Variants in TNFRSF19 observed in about 807,000 individuals in gnomAD.
TNFRSF19 encodes TNF receptor superfamily member 19.
A neutral mutation model predicts 46.4 loss-of-function variants in TNFRSF19; 27 were observed. That is an observed-to-expected ratio of 0.58 (90% confidence interval 0.43 to 0.80). TNFRSF19 has a LOEUF of 0.80. Ranked by LOEUF, TNFRSF19 falls within the 30% of genes least tolerant of loss-of-function variation. TNFRSF19 has a pLI of 0.00. For missense variants in TNFRSF19, 511 were observed against 530.8 expected (o/e 0.96, Z 0.37); for synonymous variants, 204 against 205.0 (o/e 1.00, Z 0.04).
intron 3 of TNFRSF19, among the ~76,000 whole-genome samples, chr13:23,608,671 C>T (rs1384287947): frequency 6.6e-6 from 1 of 152,218 alleles, no homozygotes; most frequent in Non-Finnish European, 1.5e-5. Context: ...ACTGCGGTTA[C>T]TGAACACTTA....
chr13:23,669,236 T>C, intron 9 of TNFRSF19, 139 bp downstream of exon 9: 2 of 1,408,140 alleles, frequency 1.4e-6, no homozygotes, highest in African/African-American at 1.4e-5. Context: ...TTGTAGAGTA[T>C]GTTTTAAAAT....
intron 5 of TNFRSF19, 106 bp from the exon 6 acceptor site, chr13:23,658,944 T>A: frequency 1.4e-6 from 2 of 1,451,332 alleles, no homozygotes; most frequent in South Asian, 1.2e-5. Flanking sequence ...CATGCCAGTT[T>A]TCTCACAGCA....
chr13:23,646,138 A>AC lies in TNFRSF19; in HGVS notation c.446-12906dup, dbSNP rs1187536501. On this transcript the variant is annotated intron_variant, in intron 5 of 9. Transcript: ENST00000248484. ...CCATCAATATCTGGGCCAGTGCGGCACCCCCCGGCCTGCCCTTTCTCTCTT... is the reference window on the plus strand; with the variant it reads ...CCATCAATATCTGGGCCAGTGCGGCACCCCCCCGGCCTGCCCTTTCTCTCTT... 5.9e-5 allele frequency among the ~76,000 whole-genome samples: 9 copies of AC among 151,798 alleles called. No individual in the cohort carries two copies. The East Asian group carries it at 1.2e-3, about 20-fold the overall frequency.
At chr13:23,633,130 A>C (rs1459933570) in intron 5 of TNFRSF19, among the ~76,000 whole-genome samples, 2 of 61,728 alleles carry the variant, frequency 3.2e-5, no homozygotes, top group Admixed American at 1.6e-4. Context: ...TTTTTTTTTG[A>C]GACAGTCTCA....
intron 1 of TNFRSF19, among the ~76,000 whole-genome samples, chr13:23,577,404 CAG>C (rs1178692456): frequency 1.3e-5 from 2 of 152,204 alleles, no homozygotes; most frequent in East Asian, 1.9e-4. Flanking sequence ...CAATTCCACT[CAG>C]AAAGCTTTGG....
intron 3 of TNFRSF19, among the ~76,000 whole-genome samples, chr13:23,612,912 C>G (rs1327629116): frequency 2.0e-5 from 3 of 152,160 alleles, no homozygotes; most frequent in Admixed American, 6.5e-5. Flanking sequence ...GACTTGGAGA[C>G]AGTCAGCAGG....
chr13:23,623,930 T>A (rs1881834015), intron 4 of TNFRSF19, among the ~76,000 whole-genome samples: 1 of 152,170 alleles, frequency 6.6e-6, no homozygotes. Context: ...ATAGGAATGT[T>A]TATGTCCTCT....
chr13:23,673,518 G>A lies in TNFRSF19; in HGVS notation c.*138G>A. 7.4e-7 allele frequency: 1 copy of A among 1,343,856 alleles called. No individual in the cohort carries two copies. Among genetic ancestry groups the A allele is most frequent in the South Asian group, 2.4e-5 (1 of 42,496 alleles). 83.2% of individuals were successfully genotyped at this position (1,343,856 alleles called of 1,614,324 possible). ...AATCTGAACCAAACTGACGGCATTT[G>A]AAGCCTTTCAGCCAGTTGCTTCTGA... On this transcript the variant is annotated 3_prime_UTR_variant, in exon 10 of 10. Coordinates refer to ENST00000248484, the MANE Select transcript of TNFRSF19 (RefSeq NM_148957.4).
In TNFRSF19 at chr13:23,674,413, G is replaced by A. The variant is rs547200231; in HGVS notation, c.*1033G>A. 1.3e-5 allele frequency: 2 copies of A among 152,344 alleles called. No individual in the cohort carries two copies. Among genetic ancestry groups the A allele is most frequent in the Admixed American group, 6.5e-5 (1 of 15,296 alleles). 9.4% of individuals were successfully genotyped at this position (152,344 alleles called of 1,614,324 possible). On this transcript the variant is annotated 3_prime_UTR_variant, in exon 10 of 10. Transcript: ENST00000248484. The stretch of plus-strand genomic sequence containing the variant: ...AATTTGTAGGGGTTTGGATGAAGCA[G>A]CTGTAACTGCCCTAGTGTAGTTTGA...
intron 7 of TNFRSF19, among the ~76,000 whole-genome samples, chr13:23,666,012 T>A (rs12585977): frequency 6.6e-6 from 1 of 151,964 alleles, no homozygotes. Context: ...GAATGACACT[T>A]AATTTGGGTT....
chr13:23,651,235 A>G (rs568211731), intron 5 of TNFRSF19, among the ~76,000 whole-genome samples: 2 of 152,318 alleles, frequency 1.3e-5, no homozygotes, highest in South Asian at 4.1e-4. Context: ...ACAGAAAGCA[A>G]TGGATTGAAT....
chr13:23,651,610 A>G (rs1055504370), intron 5 of TNFRSF19, among the ~76,000 whole-genome samples: 1 of 152,196 alleles, frequency 6.6e-6, no homozygotes, highest in Non-Finnish European at 1.5e-5. Context: ...TTATGATACC[A>G]CATAGAGCTT....
chr13:23,617,286 C>T (rs557183942), intron 4 of TNFRSF19, among the ~76,000 whole-genome samples: 31 of 152,180 alleles, frequency 2.0e-4, no homozygotes, highest in African/African-American at 6.7e-4. Context: ...CAGGTGCGAA[C>T]GCAGAAGCCT....
At chr13:23,662,006 GTTTC>G (rs1385759759) in intron 7 of TNFRSF19, among the ~76,000 whole-genome samples, 14 of 152,144 alleles carry the variant, frequency 9.2e-5, no homozygotes, top group African/African-American at 3.4e-4. Context: ...TCTGATGATA[GTTTC>G]TTTTGCTATG....
intron 4 of TNFRSF19, among the ~76,000 whole-genome samples, chr13:23,617,197 C>T (rs570848255): frequency 2.0e-5 from 3 of 152,282 alleles, no homozygotes; most frequent in Admixed American, 2.0e-4. Flanking sequence ...GGGTAAAAAA[C>T]TGCCAGGAGG....
At chr13:23,637,040 AGTT>A (rs113502223) in intron 5 of TNFRSF19, among the ~76,000 whole-genome samples, 38,417 of 151,938 alleles carry the variant, frequency 0.25, 5,195 homozygotes, top group Middle Eastern at 0.35. Context: ...GGAAAATTAG[AGTT>A]GTTGTTTTTT....
chr13:23,581,344 C>T (rs1387752607), intron 1 of TNFRSF19, among the ~76,000 whole-genome samples: 2 of 152,052 alleles, frequency 1.3e-5, no homozygotes, highest in Non-Finnish European at 2.9e-5. Flanking sequence ...GACAGGGTTT[C>T]ACCGTGTTAG....
chr13:23,618,528 A>T (rs1330332971), intron 4 of TNFRSF19, among the ~76,000 whole-genome samples: 1 of 152,198 alleles, frequency 6.6e-6, no homozygotes, highest in Non-Finnish European at 1.5e-5. Flanking sequence ...GTTGGTGATG[A>T]CGTGGAGAGA....
chr13:23,626,816 A>T (rs750099491), intron 5 of TNFRSF19, 24 bp downstream of exon 5: 1 of 1,607,190 alleles, frequency 6.2e-7, no homozygotes, highest in South Asian at 1.1e-5. Flanking sequence ...ACACAGGCAG[A>T]GCCAAGGGGA....
Sources: allele counts gnomAD v4.1 joint callset (sites outside exome capture counted in the v4.1 genomes callset), GRCh38; gene constraint gnomAD v4.1.1; transcripts MANE v1.5; gene names NCBI Gene and HGNC (gene_info 2026-07-23, HGNC 2026-07-21).